Variants in CDH18 observed in about 807,000 individuals in gnomAD.
CDH18 encodes cadherin-18.
CDH18 carries 31 observed loss-of-function variants against 67.9 expected under a neutral mutation model. The ratio of observed to expected loss-of-function variants is 0.46; its 90% CI spans 0.34 to 0.62. The LOEUF (loss-of-function observed/expected upper bound fraction) is 0.62. CDH18 is among the 20% of genes least tolerant of loss of function. The pLI is 0.01. For synonymous variants in CDH18, 362 were observed against 347.2 expected (o/e 1.04, Z -0.48); for missense variants, 890 against 975.5 (o/e 0.91, Z 1.17).
intron 1 of CDH18, among the ~76,000 whole-genome samples, chr5:20,465,040 A>G (rs1751545107): frequency 6.6e-6 from 1 of 152,156 alleles, no homozygotes; most frequent in Admixed American, 6.5e-5. Context: ...GTAAAGTAGT[A>G]AATGAATAGT....
intron 12 of CDH18, 87 bp downstream of exon 12, chr5:19,483,214 T>C (rs1360210694): frequency 5.3e-6 from 7 of 1,327,960 alleles, no homozygotes; most frequent in African/African-American, 4.4e-5. Flanking sequence ...ACCCACATTA[T>C]GGATGCCTAA....
At chr5:20,233,118 T>C (rs1018857282) in intron 2 of CDH18, among the ~76,000 whole-genome samples, 1 of 151,568 alleles carries the variant, frequency 6.6e-6, no homozygotes, top group African/African-American at 2.4e-5. Context: ...TTCATATTAC[T>C]ATTATATTTC....
chr5:20,146,608 C>T (rs1750664378), intron 2 of CDH18, among the ~76,000 whole-genome samples: 1 of 88,748 alleles, frequency 1.1e-5, no homozygotes, highest in Admixed American at 1.6e-4. Flanking sequence ...GTACTGAAAA[C>T]TAATTTTGTA....
At chr5:19,740,877 T>C (rs1049261389) in intron 4 of CDH18, among the ~76,000 whole-genome samples, 8 of 152,066 alleles carry the variant, frequency 5.3e-5, no homozygotes, top group Admixed American at 3.9e-4. Flanking sequence ...AGTAATTCCA[T>C]TAAATAATTG....
intron 5 of CDH18, among the ~76,000 whole-genome samples, chr5:19,712,178 G>A (rs1764786062): frequency 6.6e-6 from 1 of 151,818 alleles, no homozygotes; most frequent in Non-Finnish European, 1.5e-5. Context: ...ATGAGGAACG[G>A]GAAATTACTT....
At chr5:20,198,306 G>T (rs1042611750) in intron 2 of CDH18, among the ~76,000 whole-genome samples, 1 of 152,082 alleles carries the variant, frequency 6.6e-6, no homozygotes, top group Non-Finnish European at 1.5e-5. Flanking sequence ...TTGTTGAATG[G>T]CTTAGTCCAA....
intron 1 of CDH18, among the ~76,000 whole-genome samples, chr5:20,317,878 C>A (rs1429012966): frequency 6.6e-6 from 1 of 152,174 alleles, no homozygotes; most frequent in Non-Finnish European, 1.5e-5. Flanking sequence ...CTGAGAACTT[C>A]TAGCCCCATG....
chr5:19,744,881 A>C (rs2150722001), intron 4 of CDH18, among the ~76,000 whole-genome samples: 1 of 152,236 alleles, frequency 6.6e-6, no homozygotes, highest in Middle Eastern at 3.4e-3. Flanking sequence ...TTAGGCTTTA[A>C]AACTTTACCA....
chr5:19,935,825 T>C (rs544620372), intron 2 of CDH18, among the ~76,000 whole-genome samples: 3 of 150,084 alleles, frequency 2.0e-5, no homozygotes, highest in Non-Finnish European at 4.5e-5. Context: ...TCTCTCTCTC[T>C]CTCACTCTCT....
intron 1 of CDH18, among the ~76,000 whole-genome samples, chr5:20,277,603 C>T (rs574829823): frequency 6.6e-6 from 1 of 152,164 alleles, no homozygotes; most frequent in African/African-American, 2.4e-5. Context: ...GTTTTCACTG[C>T]ACAGAAGCTG....
chr5:19,926,840 T>C (rs1793147991), intron 2 of CDH18, among the ~76,000 whole-genome samples: 1 of 152,188 alleles, frequency 6.6e-6, no homozygotes, highest in African/African-American at 2.4e-5. Context: ...TATCTATATA[T>C]AGATATAAAT....
intron 3 of CDH18, among the ~76,000 whole-genome samples, chr5:19,763,584 A>G (rs1772656623): frequency 1.3e-5 from 2 of 152,182 alleles, no homozygotes. Flanking sequence ...TATATAGAGA[A>G]GTCATTTGTA....
chr5:20,469,326 T>C lies in CDH18; in HGVS notation c.-580+106136A>G, dbSNP rs1351620889. ...TGTGTGTATTGACATTCAAAAGACGTTCAATATGTTTAAAAAACTAGAGCA... is the reference window on the plus strand; with the variant it reads ...TGTGTGTATTGACATTCAAAAGACGCTCAATATGTTTAAAAAACTAGAGCA... On this transcript the variant is annotated intron_variant, in intron 1 of 14. Transcript: ENST00000507958. Among the ~76,000 whole-genome samples, 5 of 150,780 alleles carry C rather than the reference T, an allele frequency of 3.3e-5. No individual in the cohort carries two copies. The East Asian group carries it at 7.8e-4, about 23-fold the overall frequency.
At chr5:20,184,800 G>A (rs74608035) in intron 2 of CDH18, among the ~76,000 whole-genome samples, 2 of 152,074 alleles carry the variant, frequency 1.3e-5, no homozygotes, top group East Asian at 1.9e-4. Context: ...GGGACTGTGT[G>A]TTCTAATGCA....
Position 20,398,652 on chromosome 5 carries a change from T to C in CDH18, c.-579-143147A>G, listed in dbSNP as rs189113597. Reference sequence around the variant, plus strand: ...AACCACCACAGCACACATATACCTATGTAAAAAACCACCACGGCACACATA... The same window carrying C: ...AACCACCACAGCACACATATACCTACGTAAAAAACCACCACGGCACACATA... On this transcript the variant is annotated intron_variant, in intron 1 of 14. Coordinates refer to the CDH18 transcript ENST00000507958. Among the ~76,000 whole-genome samples, 338 of 150,824 alleles carry C rather than the reference T, an allele frequency of 2.2e-3. 1 individual carries two copies. Among genetic ancestry groups the C allele is most frequent in the African/African-American group, 8.0e-3 (329 of 40,992 alleles).
chr5:19,730,696 C>T (rs555430608), intron 4 of CDH18, among the ~76,000 whole-genome samples: 1 of 151,516 alleles, frequency 6.6e-6, no homozygotes, highest in Non-Finnish European at 1.5e-5. Context: ...TGTTTGGCAT[C>T]ACCACTATTT....
At position 20,526,736 on chromosome 5, in the gene CDH18, C is replaced by T. The variant is rs79803002; in HGVS notation, c.-580+48726G>A. Among the ~76,000 whole-genome samples the T allele has an allele frequency of 5.1e-3, 774 of 152,110 alleles. 14 individuals carry two copies. The highest frequency in any genetic ancestry group is 0.018 in the African/African-American group (726 of 41,470). ...CACAACATCAACAAAAATGACCCCA[C>T]GAAAATGCCATCCAAAGGTCAGCAG... On this transcript the variant is annotated intron_variant, in intron 1 of 14. Coordinates refer to the CDH18 transcript ENST00000507958.
At chr5:19,612,763 T>C (rs980419634) in intron 5 of CDH18, among the ~76,000 whole-genome samples, 162 bp from the exon 6 acceptor site, 4 of 152,176 alleles carry the variant, frequency 2.6e-5, no homozygotes, top group African/African-American at 9.7e-5. Flanking sequence ...ATGAATACTG[T>C]CTCTTTGAAA....
At chr5:20,486,073 G>A (rs1753152500) in intron 1 of CDH18, among the ~76,000 whole-genome samples, 1 of 152,150 alleles carries the variant, frequency 6.6e-6, no homozygotes, top group African/African-American at 2.4e-5. Context: ...GTACCAGCGT[G>A]GATATAGAGA....
Sources: gnomAD v4.1 joint callset for allele counts (sites outside exome capture counted in the v4.1 genomes callset) on GRCh38, gnomAD v4.1.1 for gene constraint, MANE v1.5 for transcripts, NCBI Gene and HGNC (gene_info 2026-07-23, HGNC 2026-07-21) for gene names.